Variants in ACACA observed in about 807,000 individuals in gnomAD.
ACACA encodes acetyl-CoA carboxylase 1.
ACACA carries 103 observed loss-of-function variants against 296.1 expected under a neutral mutation model. The ratio of observed to expected loss-of-function variants is 0.35; its 90% CI spans 0.30 to 0.41. The LOEUF (loss-of-function observed/expected upper bound fraction) is 0.41, where lower values mean the gene tolerates loss of function less well. ACACA is among the 10% of genes least tolerant of loss of function. ACACA has a pLI of 1.00. For synonymous variants in ACACA, 953 were observed against 1,038.6 expected (o/e 0.92, Z 1.58); for missense variants, 1,554 against 2,989.7 (o/e 0.52, Z 11.20).
rs1319394959 is a variant in ACACA at position 37,174,021 on chromosome 17, T to C, written c.5079+5239A>G. Among the ~76,000 whole-genome samples the C allele has an allele frequency of 1.0e-3, 12 of 11,446 alleles. 1 individual carries two copies. The highest frequency in any genetic ancestry group is 1.7e-3 in the Non-Finnish European group (11 of 6,486). The allele number at this position is 11,446 out of a possible 152,430, so 7.5% of individuals were successfully genotyped here. A position where few individuals can be genotyped will look rare whatever the true frequency, so the allele number is the denominator to read the frequency against. ...ATATATATATATATATATATATATATTTTTTTTTTTTTTTTTTTTTGTAGC... is the reference window on the plus strand; with the variant it reads ...ATATATATATATATATATATATATACTTTTTTTTTTTTTTTTTTTTGTAGC... On this transcript the variant is annotated intron_variant, in intron 41 of 55. Coordinates refer to ENST00000616317, the MANE Select transcript of ACACA (RefSeq NM_198834.3).
intron 8 of ACACA, 21 bp from the exon 9 acceptor site, chr17:37,274,320 T>A (rs1437187867): frequency 7.6e-6 from 12 of 1,579,716 alleles, no homozygotes; most frequent in Non-Finnish European, 9.6e-6. Flanking sequence ...CAATAGCAAC[T>A]TAGGGCAATT....
At chr17:37,098,977 T>C (rs2073159448) in intron 52 of ACACA, among the ~76,000 whole-genome samples, 2 of 152,202 alleles carry the variant, frequency 1.3e-5, no homozygotes, top group African/African-American at 2.4e-5. Flanking sequence ...GAAGGAGCAA[T>C]AGGTGACAGC....
chr17:37,170,261 C>T (rs968013756), intron 41 of ACACA, among the ~76,000 whole-genome samples: 1 of 151,794 alleles, frequency 6.6e-6, no homozygotes, highest in African/African-American at 2.4e-5. Flanking sequence ...TAAGGCAGAA[C>T]ATATTTCTTT....
At chr17:37,215,035 G>A (rs1201266197) in intron 29 of ACACA, among the ~76,000 whole-genome samples, 2 of 152,152 alleles carry the variant, frequency 1.3e-5, no homozygotes, top group Admixed American at 6.5e-5. Context: ...TCCAGAGGCC[G>A]CCCACTGACA....
In ACACA at chr17:37,087,179, G is replaced by T; in HGVS notation, c.*137C>A. On this transcript the variant is annotated 3_prime_UTR_variant, in exon 56 of 56. Transcript: ENST00000616317. The stretch of plus-strand genomic sequence containing the variant: ...CATCCCAGGATGTCATGCATAACCT[G>T]AAACGAGAGGAAGTAAAATGCCATT... 4.0e-6 allele frequency: 5 copies of T among 1,235,768 alleles called. No homozygotes were observed. Among genetic ancestry groups the T allele is most frequent in the Non-Finnish European group, 2.3e-6 (2 of 860,046 alleles). The allele number at this position is 1,235,768 out of a possible 1,614,324, so 76.6% of individuals were successfully genotyped here. A position where few individuals can be genotyped will look rare whatever the true frequency, so the allele number is the denominator to read the frequency against.
chr17:37,381,704 T>G (rs188777952), intron 1 of ACACA, among the ~76,000 whole-genome samples: 27 of 147,502 alleles, frequency 1.8e-4, no homozygotes, highest in Non-Finnish European at 3.7e-4. Context: ...CTCAGCTCAC[T>G]GCAAGCTCCG....
At chr17:37,186,744 G>A (rs1037827472) in intron 39 of ACACA, among the ~76,000 whole-genome samples, 1 of 152,064 alleles carries the variant, frequency 6.6e-6, no homozygotes, top group Non-Finnish European at 1.5e-5. Context: ...CAGGTTGAAG[G>A]TGGTTTGTTC....
chr17:37,230,010 G>C (rs1318300478), intron 25 of ACACA, among the ~76,000 whole-genome samples: 1 of 151,938 alleles, frequency 6.6e-6, no homozygotes, highest in African/African-American at 2.4e-5. Context: ...GCAGTGAGCT[G>C]AGATTGCGTC....
intron 1 of ACACA, among the ~76,000 whole-genome samples, chr17:37,405,498 G>T (rs1439626825): frequency 6.6e-6 from 1 of 152,152 alleles, no homozygotes; most frequent in Non-Finnish European, 1.5e-5. Flanking sequence ...GTCTGGAAGG[G>T]TACATACCAA....
chr17:37,253,185 G>A lies in ACACA; in HGVS notation c.1827-149C>T, dbSNP rs967317931. 8 of 1,118,630 alleles carry A rather than the reference G, an allele frequency of 7.2e-6. No individual in the cohort carries two copies. In the East Asian group the frequency reaches 2.0e-4, roughly 28 times the overall value. 69.3% of individuals were successfully genotyped at this position (1,118,630 alleles called of 1,614,324 possible). A position where few individuals can be genotyped will look rare whatever the true frequency, so the allele number is the denominator to read the frequency against. ...GACAAGGCGGATCACGAAGTCAGGA[G>A]ATTGAGACCATCCTGGCTAACACGG... On this transcript the variant is annotated intron_variant, in intron 14 of 55. Transcript: ENST00000616317.
At chr17:37,119,638 ACAC>A (rs1410353943) in intron 50 of ACACA, among the ~76,000 whole-genome samples, 20 of 134,062 alleles carry the variant, frequency 1.5e-4, no homozygotes, top group African/African-American at 5.4e-4. Context: ...ACACACACAC[ACAC>A]AATCAACCTA....
At chr17:37,208,126 A>G (rs535058943) in intron 30 of ACACA, among the ~76,000 whole-genome samples, 35 of 152,292 alleles carry the variant, frequency 2.3e-4, no homozygotes, top group African/African-American at 7.5e-4. Flanking sequence ...GGGGTTAAAA[A>G]CCATCCTGCA....
rs199723320 is a variant in ACACA at position 37,161,903 on chromosome 17, C to T, written c.5227G>A (p.Ala1743Thr). Residue 1743 changes from alanine to threonine, a missense_variant, in exon 42 of 56, where the codon GCT becomes ACT. Around this residue, in one of 16 missense-constraint regions of ACACA, gnomAD observed 553 missense variants for 1,043.6 expected, o/e 0.53. Coordinates refer to ENST00000616317, the MANE Select transcript of ACACA (RefSeq NM_198834.3). ...ATGCGTGGAATACCTTCTGCCCTAG[C>T]AAGTTCGGAAGCTCTGAGAAATAAC... ...DLLFLRASEL[A>T]RAEGIPRIYV... is the part of the protein sequence containing the mutation. The T allele has an allele frequency of 2.5e-6, 4 of 1,614,202 alleles. No homozygotes were observed. The highest frequency in any genetic ancestry group is 3.4e-6 in the Non-Finnish European group (4 of 1,180,036).
rs73984212 is a variant in ACACA, at chr17:37,360,619, T to C, written c.39-20769A>G. On this transcript the variant is annotated intron_variant, in intron 1 of 55. Transcript: ENST00000616317. ...AAGTCTATATGTAGTGTACTGTGCC[T>C]GCGCCTGTGAATAGCCACTGCACCC... is the stretch of plus-strand genomic sequence containing the variant. Among the ~76,000 whole-genome samples the C allele has an allele frequency of 9.0e-4, 137 of 152,226 alleles. 1 individual carries two copies. Among genetic ancestry groups the C allele is most frequent in the African/African-American group, 3.3e-3 (135 of 41,538 alleles).
chr17:37,087,427 G>A lies in ACACA; in HGVS notation c.7041C>T (p.Ala2347=). Reference sequence around the variant, plus strand: ...TGGAATCCATGGCAACCTCTGGATTGGCCTGGACCAAGCTGGAAAGGAAGA... The same window carrying A: ...TGGAATCCATGGCAACCTCTGGATTAGCCTGGACCAAGCTGGAAAGGAAGA... The part of the protein sequence containing the change: ...VLKQIRSLVQ[A]NPEVAMDSII... The change falls in exon 56 of 56, where the codon GCC becomes GCT. Residue 2347 remains alanine, a synonymous_variant. Transcript: ENST00000616317. The A allele has an allele frequency of 6.2e-7, 1 of 1,614,096 alleles. No homozygotes were observed. Among genetic ancestry groups the A allele is most frequent in the Non-Finnish European group, 8.5e-7 (1 of 1,180,018 alleles).
chr17:37,391,386 A>T lies in ACACA; in HGVS notation c.38+14876T>A, dbSNP rs139833207. ...AGGTTATGTGACTTCCCAAGGTTAC[A>T]CAGCTGTTAGAAACAGAACTATGAT... is the stretch of plus-strand genomic sequence containing the variant. On this transcript the variant is annotated intron_variant, in intron 1 of 55. Coordinates refer to ENST00000616317, the MANE Select transcript of ACACA (RefSeq NM_198834.3). 4.6e-5 allele frequency among the ~76,000 whole-genome samples: 7 copies of T among 152,344 alleles called. No homozygotes were observed. In the East Asian group the frequency reaches 1.3e-3, roughly 29 times the overall value.
intron 26 of ACACA, chr17:37,225,346 G>T: frequency 2.1e-6 from 1 of 472,910 alleles, no homozygotes; most frequent in Non-Finnish European, 3.8e-6. Context: ...TGGTGGGTAG[G>T]GGGAAGGGAG....
At chr17:37,137,201 T>C (rs925976847) in intron 45 of ACACA, among the ~76,000 whole-genome samples, 1 of 151,694 alleles carries the variant, frequency 6.6e-6, no homozygotes, top group African/African-American at 2.4e-5. Context: ...TTTCTAAAGA[T>C]GGAAAACTTT....
intron 3 of ACACA, among the ~76,000 whole-genome samples, chr17:37,324,925 T>TG (rs1345683727): frequency 1.3e-5 from 2 of 149,082 alleles, no homozygotes; most frequent in Non-Finnish European, 3.0e-5. Context: ...CATGGTGGGC[T>TG]GGGCACAGTG....
Sources: gnomAD v4.1 joint callset for allele counts (sites outside exome capture counted in the v4.1 genomes callset) on GRCh38, gnomAD v4.1.1 for gene constraint, gnomAD v4.1.1 regional missense constraint, MANE v1.5 for transcripts, NCBI Gene and HGNC (gene_info 2026-07-23, HGNC 2026-07-21) for gene names.